TTLL5: variants seen among roughly 807,000 people sequenced by gnomAD.
The protein encoded by TTLL5 is tubulin polyglutamylase TTLL5.
TTLL5 carries 132 observed loss-of-function variants against 168.4 expected under a neutral mutation model. The observed-to-expected ratio is 0.78, with a 90% CI of 0.68 to 0.91. The LOEUF (loss-of-function observed/expected upper bound fraction) is 0.91. TTLL5 is among the 40% of genes least tolerant of loss of function. TTLL5 has a pLI of 0.00. For synonymous variants in TTLL5, 546 were observed against 558.6 expected (o/e 0.98, Z 0.32); for missense variants, 1,545 against 1,581.5 (o/e 0.98, Z 0.39).
At chr14:75,775,724 T>A in intron 22 of TTLL5, 94 bp downstream of exon 22, 1 of 1,451,440 alleles carries the variant, frequency 6.9e-7, no homozygotes, top group South Asian at 1.4e-5. Context: ...ATGGAGACAC[T>A]CTTCTTCTGT....
intron 15 of TTLL5, chr14:75,737,647 T>A (rs1355422861): frequency 3.9e-6 from 6 of 1,522,804 alleles, no homozygotes; most frequent in Admixed American, 4.2e-5. Flanking sequence ...CAAATTTTAT[T>A]TTCATTCTCC....
At chr14:75,840,402 C>G (rs1465312595) in intron 28 of TTLL5, among the ~76,000 whole-genome samples, 1 of 152,068 alleles carries the variant, frequency 6.6e-6, no homozygotes, top group South Asian at 2.1e-4. Flanking sequence ...CCTTGCCCCC[C>G]ACCCCCTGAC....
intron 28 of TTLL5, among the ~76,000 whole-genome samples, chr14:75,858,507 G>A (rs564897200): frequency 3.3e-5 from 5 of 152,196 alleles, no homozygotes; most frequent in African/African-American, 9.7e-5. Context: ...TCAAGGAAAG[G>A]CATTTGTGAC....
intron 28 of TTLL5, among the ~76,000 whole-genome samples, chr14:75,848,969 G>A (rs2139879183): frequency 6.6e-6 from 1 of 152,312 alleles, no homozygotes; most frequent in Middle Eastern, 3.4e-3. Context: ...TGGAGTGGTA[G>A]GGGTGTGGAA....
At chr14:75,882,575 C>A in intron 29 of TTLL5, 110 bp from the exon 30 acceptor site, 45 of 919,336 alleles carry the variant, frequency 4.9e-5, no homozygotes, top group East Asian at 1.1e-4. Flanking sequence ...AAAAAATTAA[C>A]AGTTGTCCTT....
At chr14:75,806,776 C>T (rs771734937) in intron 27 of TTLL5, among the ~76,000 whole-genome samples, 3 of 152,140 alleles carry the variant, frequency 2.0e-5, no homozygotes, top group Non-Finnish European at 4.4e-5. Flanking sequence ...TGTGCTGATT[C>T]GACTGGACTA....
chr14:75,707,620 TAG>T lies in TTLL5; in HGVS notation c.656-1_656del. ...TTTGTGAATACAAACTTTTTTTTTT[TAG>T]ATTTCAAGTTTGACGTGCGCCTCTA... On this transcript the variant is annotated splice_acceptor_variant, in intron 8 of 31. Transcript: ENST00000298832. LOFTEE classifies it high-confidence loss of function. 1 of 1,607,908 alleles carries T rather than the reference TAG, an allele frequency of 6.2e-7. No homozygotes were observed. The highest frequency in any genetic ancestry group is 1.7e-4 in the Middle Eastern group (1 of 6,044).
chr14:75,878,754 C>CTTATATAAAACATCAG (rs2031638403), intron 29 of TTLL5, among the ~76,000 whole-genome samples: 1 of 152,116 alleles, frequency 6.6e-6, no homozygotes, highest in African/African-American at 2.4e-5. Context: ...GAAAACTAAT[C>CTTATATAAAACATCAG]TTATATAAAA....
intron 28 of TTLL5, among the ~76,000 whole-genome samples, chr14:75,833,686 A>G (rs1212540734): frequency 6.6e-6 from 1 of 152,220 alleles, no homozygotes; most frequent in Admixed American, 6.5e-5. Context: ...GTACGTGCCC[A>G]GTAAGTGGGA....
chr14:75,705,331 A>G (rs1340406303), intron 7 of TTLL5, among the ~76,000 whole-genome samples: 3 of 152,232 alleles, frequency 2.0e-5, no homozygotes, highest in Non-Finnish European at 2.9e-5. Flanking sequence ...CTGGTTGTGT[A>G]TAATGTTATA....
rs536933113 is a variant in TTLL5 at position 75,789,693 on chromosome 14, GAC to G, written c.2987-3219_2987-3218del. On this transcript the variant is annotated intron_variant, in intron 26 of 31. Coordinates refer to ENST00000298832, the MANE Select transcript of TTLL5 (RefSeq NM_015072.5). ...GAAGTTTTATAAGACTACATTGAAA[GAC>G]ACAGATATTAGACATTAACAAAAAT... Among the ~76,000 whole-genome samples the G allele has an allele frequency of 1.3e-3, 196 of 152,208 alleles. 1 individual carries two copies. The highest frequency in any genetic ancestry group is 4.6e-3 in the African/African-American group (192 of 41,538).
chr14:75,748,281 T>TAAA (rs35811861), intron 17 of TTLL5, among the ~76,000 whole-genome samples: 1 of 143,428 alleles, frequency 7.0e-6, no homozygotes, highest in Non-Finnish European at 1.5e-5. Context: ...AACTTTTTCT[T>TAAA]AAAAAAAAAA....
intron 27 of TTLL5, among the ~76,000 whole-genome samples, chr14:75,810,385 C>G (rs1893922660): frequency 6.6e-6 from 1 of 152,112 alleles, no homozygotes; most frequent in Non-Finnish European, 1.5e-5. Flanking sequence ...GGATCTTGCT[C>G]TGTCACCCAG....
rs2030234863 is a variant in TTLL5, at chr14:75,863,778, T to C, written c.3438T>C (p.Tyr1146=). The C allele has an allele frequency of 6.2e-7, 1 of 1,613,776 alleles. No homozygotes were observed. Among genetic ancestry groups the C allele is most frequent in the East Asian group, 2.2e-5 (1 of 44,884 alleles). ...QHKYHPTAGS[Y]QLQFALQQLE... ...AGTATCACCCCACAGCAGGCAGCTA[T>C]CAGCTTCAATTTGCCCTGCAGCAAC... is the stretch of plus-strand genomic sequence containing the variant. Residue 1146 remains tyrosine, a synonymous_variant, in exon 29 of 32, where the codon TAT becomes TAC. Transcript: ENST00000298832.
At chr14:75,676,194 C>G (rs1036569545) in intron 3 of TTLL5, among the ~76,000 whole-genome samples, 3 of 152,178 alleles carry the variant, frequency 2.0e-5, no homozygotes, top group South Asian at 2.1e-4. Flanking sequence ...AAATGCTCAT[C>G]TCTTCTGGAG....
At chr14:75,913,192 G>A (rs990708714) in intron 31 of TTLL5, among the ~76,000 whole-genome samples, 10 of 152,100 alleles carry the variant, frequency 6.6e-5, no homozygotes, top group South Asian at 2.1e-4. Flanking sequence ...CAGTATTCTC[G>A]CTCTATCATG....
intron 31 of TTLL5, among the ~76,000 whole-genome samples, chr14:75,904,536 C>T (rs971534316): frequency 6.6e-6 from 1 of 152,160 alleles, no homozygotes; most frequent in Non-Finnish European, 1.5e-5. Flanking sequence ...GTCATACTTG[C>T]AGCATCTTGA....
chr14:75,901,106 A>G (rs2032903275), intron 30 of TTLL5, among the ~76,000 whole-genome samples: 1 of 152,226 alleles, frequency 6.6e-6, no homozygotes, highest in African/African-American at 2.4e-5. Flanking sequence ...AACTAAAATC[A>G]AGGCAGATAG....
At chr14:75,773,977 G>GAA (rs1891555923) in intron 21 of TTLL5, among the ~76,000 whole-genome samples, 1 of 145,254 alleles carries the variant, frequency 6.9e-6, no homozygotes, top group African/African-American at 2.6e-5. Flanking sequence ...GAGAGAGAGA[G>GAA]AGAGAGAGAG....
Sources: gnomAD v4.1 joint callset for allele counts (sites outside exome capture counted in the v4.1 genomes callset) on GRCh38, gnomAD v4.1.1 for gene constraint, MANE v1.5 for transcripts, NCBI Gene and HGNC (gene_info 2026-07-23, HGNC 2026-07-21) for gene names.